The following GRM5 variants were observed in gnomAD, a reference collection of about 807,000 sequenced individuals.
GRM5 encodes the protein glutamate metabotropic receptor 5.
A neutral mutation model predicts 83.1 loss-of-function variants in GRM5; 19 were observed. The ratio of observed to expected loss-of-function variants is 0.23; its 90% CI spans 0.16 to 0.34. The LOEUF (loss-of-function observed/expected upper bound fraction) is 0.34, where lower values mean the gene tolerates loss of function less well. GRM5 is among the 10% of genes least tolerant of loss of function. The pLI is 1.00. For missense variants in GRM5, 1,160 were observed against 1,588.3 expected, an observed-to-expected ratio of 0.73 and a Z score of 4.58; for synonymous variants, 675 against 633.6, an observed-to-expected ratio of 1.07 and a Z score of -0.98.
chr11:88,989,633 T>C (rs1250480491), intron 2 of GRM5, among the ~76,000 whole-genome samples: 31 of 138,448 alleles, frequency 2.2e-4, no homozygotes, highest in Non-Finnish European at 3.1e-4. Flanking sequence ...TCAGCAAATG[T>C]AAAAGAACAG....
At chr11:88,556,324 C>CTTTTCT (rs1565337272) in intron 8 of GRM5, among the ~76,000 whole-genome samples, 21,731 of 129,680 alleles carry the variant, frequency 0.17, 2,337 homozygotes, top group African/African-American at 0.32. Flanking sequence ...CTTTTCTTTT[C>CTTTTCT]TTTTTTTTTT....
chr11:88,673,589 G>A (rs909017890), intron 3 of GRM5, among the ~76,000 whole-genome samples: 1 of 151,900 alleles, frequency 6.6e-6, no homozygotes, highest in African/African-American at 2.4e-5. Context: ...ATCACCCAAT[G>A]AGGATGCTGC....
chr11:88,783,489 G>C (rs182172823), intron 3 of GRM5, among the ~76,000 whole-genome samples: 14 of 152,248 alleles, frequency 9.2e-5, no homozygotes, highest in African/African-American at 2.9e-4. Context: ...TGTCAGAGCT[G>C]TAATTGGAAT....
At chr11:88,923,553 G>A (rs980597021) in intron 2 of GRM5, among the ~76,000 whole-genome samples, 2 of 152,094 alleles carry the variant, frequency 1.3e-5, no homozygotes, top group Non-Finnish European at 2.9e-5. Context: ...GCTGGGAAGT[G>A]TAGTGGGGAG....
intron 3 of GRM5, among the ~76,000 whole-genome samples, chr11:88,806,618 T>TC (rs1943503089): frequency 6.6e-6 from 1 of 152,160 alleles, no homozygotes; most frequent in South Asian, 2.1e-4. Context: ...AGAGGATAGC[T>TC]CTGTGGCTGA....
At chr11:88,769,804 G>T (rs967482991) in intron 3 of GRM5, among the ~76,000 whole-genome samples, 5 of 151,970 alleles carry the variant, frequency 3.3e-5, no homozygotes, top group African/African-American at 1.2e-4. Context: ...CGATGCAAAA[G>T]AATTCCAAAT....
At chr11:88,611,336 A>G (rs1591380864) in intron 4 of GRM5, among the ~76,000 whole-genome samples, 1 of 152,106 alleles carries the variant, frequency 6.6e-6, no homozygotes. Flanking sequence ...CTTTGATTCT[A>G]TTGGGCCCAG....
intron 3 of GRM5, among the ~76,000 whole-genome samples, chr11:88,681,565 C>CTTTTTTTTTTTTTTGT (rs1940489273): frequency 3.9e-5 from 1 of 25,402 alleles, no homozygotes; most frequent in African/African-American, 1.1e-4. Context: ...TGAGTTCTTC[C>CTTTTTTTTTTTTTTGT]TTTTTTTTTT....
intron 2 of GRM5, among the ~76,000 whole-genome samples, chr11:88,948,096 TCAGC>T (rs1938339446): frequency 6.6e-6 from 1 of 152,146 alleles, no homozygotes; most frequent in African/African-American, 2.4e-5. Flanking sequence ...TAACCTAATC[TCAGC>T]CAGAGAAGTC....
rs1240080017 is a variant in GRM5 at position 88,687,529 on chromosome 11, C to T, written c.912-34126G>A. 1.3e-3 allele frequency among the ~76,000 whole-genome samples: 30 copies of T among 22,240 alleles called. 1 individual carries two copies. Among genetic ancestry groups the T allele is most frequent in the South Asian group, 3.1e-3 (1 of 320 alleles). 14.6% of individuals were successfully genotyped at this position (22,240 alleles called of 152,430 possible). Reference sequence around the variant, plus strand: ...ACACACACACACACACACACACATACATATATATACACACACACACACACA... The same window carrying T: ...ACACACACACACACACACACACATATATATATATACACACACACACACACA... On this transcript the variant is annotated intron_variant, in intron 3 of 9. Transcript: ENST00000305447.
chr11:88,697,366 C>T (rs1940928275), intron 3 of GRM5, among the ~76,000 whole-genome samples: 1 of 152,144 alleles, frequency 6.6e-6, no homozygotes, highest in African/African-American at 2.4e-5. Context: ...TGTATGGGTT[C>T]CCAGAGGACC....
chr11:88,653,724 T>G (rs1439001481), intron 3 of GRM5, among the ~76,000 whole-genome samples: 4 of 152,064 alleles, frequency 2.6e-5, no homozygotes, highest in Non-Finnish European at 4.4e-5. Context: ...AATATCATCA[T>G]TCACATTTTT....
intron 2 of GRM5, among the ~76,000 whole-genome samples, chr11:89,046,829 C>G (rs755541692): frequency 6.6e-6 from 1 of 151,984 alleles, no homozygotes; most frequent in Non-Finnish European, 1.5e-5. Context: ...CTATTAGAAA[C>G]AATAGGCACC....
At chr11:89,024,437 A>G (rs1941077681) in intron 2 of GRM5, among the ~76,000 whole-genome samples, 1 of 152,210 alleles carries the variant, frequency 6.6e-6, no homozygotes, top group African/African-American at 2.4e-5. Flanking sequence ...AGCAAAAATA[A>G]TTCTGATCAT....
intron 3 of GRM5, among the ~76,000 whole-genome samples, chr11:88,735,469 T>A (rs1941892871): frequency 6.6e-6 from 1 of 152,040 alleles, no homozygotes; most frequent in African/African-American, 2.4e-5. Context: ...CACATAGCAA[T>A]CTGCAATAAT....
At chr11:89,001,700 T>G (rs1013531977) in intron 2 of GRM5, among the ~76,000 whole-genome samples, 2 of 152,258 alleles carry the variant, frequency 1.3e-5, no homozygotes, top group Middle Eastern at 3.4e-3. Flanking sequence ...GAAAAACTGG[T>G]AAAGAGTATT....
chr11:88,815,298 G>A (rs371375803), intron 3 of GRM5, among the ~76,000 whole-genome samples: 2 of 151,820 alleles, frequency 1.3e-5, no homozygotes, highest in East Asian at 1.9e-4. Context: ...TCAATATTTG[G>A]GAACTAAATA....
intron 2 of GRM5, chr11:88,911,962 T>A (rs1160005284): frequency 2.2e-6 from 1 of 452,634 alleles, no homozygotes; most frequent in Non-Finnish European, 4.5e-6. Flanking sequence ...TACGAAATTT[T>A]TTATTGTCTT....
chr11:88,831,392 C>T (rs1001490488), intron 3 of GRM5, among the ~76,000 whole-genome samples: 2 of 152,210 alleles, frequency 1.3e-5, no homozygotes, highest in African/African-American at 4.8e-5. Context: ...CTGCCTATGG[C>T]TTTTGCCACT....
Sources: gnomAD v4.1 joint callset for allele counts (sites outside exome capture counted in the v4.1 genomes callset) on GRCh38, gnomAD v4.1.1 for gene constraint, MANE v1.5 for transcripts, NCBI Gene and HGNC (gene_info 2026-07-23, HGNC 2026-07-21) for gene names.